Variants in GPR141 observed in about 807,000 individuals in gnomAD.
The protein encoded by GPR141 is G protein-coupled receptor 141, also known as probable G protein-coupled receptor 141.
In GPR141, 6 loss-of-function variants were observed where a neutral mutation model predicts 6.8. The observed-to-expected ratio is 0.88, with a 90% CI of 0.48 to 1.74. GPR141 has a LOEUF of 1.74. Ranked by LOEUF, GPR141 falls within the 40% of genes most tolerant of loss-of-function variation. The pLI, the probability that GPR141 is intolerant of heterozygous loss-of-function variation, is 0.01. For missense variants in GPR141, 372 were observed against 372.9 expected (o/e 1.00, Z 0.02); for synonymous variants, 140 against 142.3 (o/e 0.98, Z 0.11).
intron 2 of GPR141, among the ~76,000 whole-genome samples, chr7:37,685,898 GT>G (rs1423145633): frequency 1.3e-5 from 2 of 151,836 alleles, no homozygotes; most frequent in East Asian, 1.9e-4. Context: ...CCTGTGAAAT[GT>G]TTACTGGTGT....
chr7:37,693,759 A>G (rs1809891569), intron 2 of GPR141, among the ~76,000 whole-genome samples: 1 of 152,136 alleles, frequency 6.6e-6, no homozygotes, highest in Non-Finnish European at 1.5e-5. Flanking sequence ...TTCAGACTCT[A>G]GGGGGCTAGT....
At chr7:37,712,782 C>A (rs1810865454) in intron 2 of GPR141, among the ~76,000 whole-genome samples, 1 of 152,204 alleles carries the variant, frequency 6.6e-6, no homozygotes, top group African/African-American at 2.4e-5. Flanking sequence ...CACAAAAGAG[C>A]AATCATTTAT....
At chr7:37,740,280 T>A (rs2131867809) in intron 2 of GPR141, 100 bp from the exon 3 acceptor site, 1 of 732,292 alleles carries the variant, frequency 1.4e-6, no homozygotes, top group South Asian at 1.7e-5. Context: ...TTATATCATA[T>A]AAGCACATAA....
chr7:37,739,473 C>G (rs1812420937), intron 2 of GPR141, among the ~76,000 whole-genome samples: 2 of 152,162 alleles, frequency 1.3e-5, no homozygotes, highest in South Asian at 4.1e-4. Flanking sequence ...CCAGAACATT[C>G]CAGACATGTA....
At chr7:37,698,524 T>TC (rs1319566481) in intron 2 of GPR141, among the ~76,000 whole-genome samples, 3 of 152,040 alleles carry the variant, frequency 2.0e-5, no homozygotes, top group Non-Finnish European at 4.4e-5. Flanking sequence ...TTAGAAACAG[T>TC]CTGTGGAAGG....
intron 2 of GPR141, among the ~76,000 whole-genome samples, chr7:37,707,724 A>G (rs974598144): frequency 6.6e-6 from 1 of 152,236 alleles, no homozygotes. Context: ...CAACGCTTAT[A>G]GTCATATACT....
At chr7:37,725,195 G>A (rs180692794) in intron 2 of GPR141, among the ~76,000 whole-genome samples, 2 of 152,280 alleles carry the variant, frequency 1.3e-5, no homozygotes, top group East Asian at 1.9e-4. Flanking sequence ...TATAGAGAAT[G>A]ACAAAGAAAA....
At chr7:37,708,396 A>AT (rs1810640134) in intron 2 of GPR141, among the ~76,000 whole-genome samples, 2 of 144,674 alleles carry the variant, frequency 1.4e-5, no homozygotes, top group Admixed American at 7.2e-5. Context: ...TCTTGAATTT[A>AT]TTTTTTGTAC....
intron 2 of GPR141, among the ~76,000 whole-genome samples, chr7:37,690,944 A>G (rs1016412271): frequency 6.6e-6 from 1 of 152,278 alleles, no homozygotes; most frequent in East Asian, 1.9e-4. Context: ...ATTGTAGTCT[A>G]TCTCTCCCTT....
intron 2 of GPR141, among the ~76,000 whole-genome samples, chr7:37,725,920 G>A (rs1811605482): frequency 6.6e-6 from 1 of 150,734 alleles, no homozygotes; most frequent in African/African-American, 2.4e-5. Flanking sequence ...AGCCATACAT[G>A]CAACTTTGGT....
intron 2 of GPR141, among the ~76,000 whole-genome samples, chr7:37,727,521 C>T (rs1159498917): frequency 1.3e-5 from 2 of 152,176 alleles, no homozygotes; most frequent in South Asian, 4.1e-4. Flanking sequence ...ACTTTGCCCT[C>T]TTAGCAAACC....
intron 2 of GPR141, among the ~76,000 whole-genome samples, chr7:37,730,564 C>A (rs1253425316): frequency 6.6e-6 from 1 of 152,200 alleles, no homozygotes; most frequent in African/African-American, 2.4e-5. Flanking sequence ...CCACACTTGG[C>A]AGGTTCTGTA....
intron 2 of GPR141, among the ~76,000 whole-genome samples, chr7:37,720,799 T>C (rs779461733): frequency 1.3e-5 from 2 of 152,162 alleles, no homozygotes; most frequent in Admixed American, 6.5e-5. Flanking sequence ...TGGGATACAT[T>C]AAATTTGGGG....
At position 37,742,241 on chromosome 7, in the gene GPR141, A is replaced by G. The variant is rs922331372; in HGVS notation, c.*930A>G. Among the ~76,000 whole-genome samples, 2 of 151,878 alleles carry G rather than the reference A, an allele frequency of 1.3e-5. No individual in the cohort carries two copies. The highest frequency in any genetic ancestry group is 6.6e-5 in the Admixed American group (1 of 15,250). ...TTTAGAGCTCCCTTCCGCCGTTAAA[A>G]TTATATATATATATATTTAAATTAT... is the stretch of plus-strand genomic sequence containing the variant. On this transcript the variant is annotated 3_prime_UTR_variant, in exon 3 of 3. Coordinates refer to ENST00000334425, the MANE Select transcript of GPR141 (RefSeq NM_001381946.1).
At chr7:37,722,803 A>G (rs182541377) in intron 2 of GPR141, among the ~76,000 whole-genome samples, 1 of 152,238 alleles carries the variant, frequency 6.6e-6, no homozygotes, top group East Asian at 1.9e-4. Flanking sequence ...ATGGTTTGAA[A>G]ATTGAGGTGC....
Position 37,742,356 on chromosome 7 carries a change from A to G in GPR141, c.*1045A>G, listed in dbSNP as rs1461890822. On this transcript the variant is annotated 3_prime_UTR_variant, in exon 3 of 3. Coordinates refer to ENST00000334425, the MANE Select transcript of GPR141 (RefSeq NM_001381946.1). Reference sequence around the variant, plus strand: ...GGTGGTTTGCGGCACCTGTCAACCCATCTACATTAGGTATTTCTCCTAATG... The same window carrying G: ...GGTGGTTTGCGGCACCTGTCAACCCGTCTACATTAGGTATTTCTCCTAATG... Among the ~76,000 whole-genome samples the G allele has an allele frequency of 1.3e-5, 2 of 151,976 alleles. No individual in the cohort carries two copies. The highest frequency in any genetic ancestry group is 2.9e-5 in the Non-Finnish European group (2 of 67,978).
chr7:37,719,255 C>A (rs1422945333), intron 2 of GPR141, among the ~76,000 whole-genome samples: 2 of 152,106 alleles, frequency 1.3e-5, no homozygotes, highest in African/African-American at 4.8e-5. Flanking sequence ...TCTGTGTGAG[C>A]TATGAGAGGT....
chr7:37,702,589 C>G (rs1317135046), intron 2 of GPR141, among the ~76,000 whole-genome samples: 1 of 151,632 alleles, frequency 6.6e-6, no homozygotes, highest in African/African-American at 2.4e-5. Context: ...GACAGAAAGT[C>G]CCCCCAGGAG....
Position 37,741,087 on chromosome 7 carries a change from G to A in GPR141, c.694G>A (p.Gly232Arg). ...TCAGCTGAAAAACCTATTTTTTATA[G>A]GGGTCATCCTTGTTTGTTTCCTTCC... Reference protein sequence around the residue: ...WAQLKNLFFIGVILVCFLPYQ... With the variant: ...WAQLKNLFFIRVILVCFLPYQ... Residue 232 changes from glycine (G) to arginine (R), a missense_variant, in exon 3 of 3, where the codon GGG becomes AGG. Gly to Arg is a moderately radical substitution (Grantham distance 125, BLOSUM62 -2). Coordinates refer to ENST00000334425, the MANE Select transcript of GPR141 (RefSeq NM_001381946.1). 6.2e-7 allele frequency: 1 copy of A among 1,613,862 alleles called. No homozygotes were observed.
Sources: gnomAD v4.1 joint callset for allele counts (sites outside exome capture counted in the v4.1 genomes callset) on GRCh38, gnomAD v4.1.1 for gene constraint, MANE v1.5 for transcripts, NCBI Gene and HGNC (gene_info 2026-07-23, HGNC 2026-07-21) for gene names.